TLL1: variants seen among roughly 807,000 people sequenced by gnomAD.
TLL1 encodes the protein tolloid like 1.
TLL1 carries 49 observed loss-of-function variants against 128.2 expected under a neutral mutation model. The ratio of observed to expected loss-of-function variants is 0.38; its 90% CI spans 0.30 to 0.48. The LOEUF is 0.48. Among genes scored for constraint, TLL1 ranks in the 20% least tolerant of loss-of-function variants. The pLI is 0.96. For missense variants in TLL1, 1,123 were observed against 1,242.0 expected (o/e 0.90, Z 1.44); for synonymous variants, 454 against 418.8 (o/e 1.08, Z -1.03).
At chr4:166,006,386 G>A (rs773300036) in intron 6 of TLL1, among the ~76,000 whole-genome samples, 19 of 151,716 alleles carry the variant, frequency 1.3e-4, no homozygotes, top group East Asian at 1.2e-3. Flanking sequence ...TCATATGCAC[G>A]TTAAGTTCTC....
At chr4:165,975,023 A>G (rs1026087990) in intron 1 of TLL1, among the ~76,000 whole-genome samples, 1 of 152,164 alleles carries the variant, frequency 6.6e-6, no homozygotes. Flanking sequence ...TGTGGGTCTT[A>G]GACAAATCTG....
At chr4:165,991,469 G>A (rs1736633170) in intron 2 of TLL1, among the ~76,000 whole-genome samples, 1 of 151,880 alleles carries the variant, frequency 6.6e-6, no homozygotes, top group South Asian at 2.1e-4. Context: ...ATGTATTTAA[G>A]TATTACCTCA....
intron 5 of TLL1, among the ~76,000 whole-genome samples, chr4:166,002,130 G>A (rs575063030): frequency 1.3e-5 from 2 of 152,216 alleles, no homozygotes; most frequent in Admixed American, 6.5e-5. Context: ...TGCAGAATTG[G>A]TGTCTGGTAA....
At chr4:166,066,940 A>G (rs892083572) in intron 16 of TLL1, among the ~76,000 whole-genome samples, 1 of 151,818 alleles carries the variant, frequency 6.6e-6, no homozygotes, top group Non-Finnish European at 1.5e-5. Flanking sequence ...TATAAATATT[A>G]TGTGTGTTAT....
At chr4:166,099,595 T>C in intron 20 of TLL1, 68 bp downstream of exon 20, 1 of 1,590,950 alleles carries the variant, frequency 6.3e-7, no homozygotes, top group Non-Finnish European at 8.6e-7. Flanking sequence ...GATTGATATG[T>C]GTACCATTCA....
intron 1 of TLL1, among the ~76,000 whole-genome samples, chr4:165,987,532 T>G (rs1191872644): frequency 6.6e-6 from 1 of 151,994 alleles, no homozygotes; most frequent in Admixed American, 6.6e-5. Flanking sequence ...GCTATGAGAG[T>G]AAACGAAAGT....
Position 165,978,707 on chromosome 4 carries a change from T to C in TLL1, c.170-10674T>C, listed in dbSNP as rs73863514. Reference sequence around the variant, plus strand: ...CCACCAAATATGTGCATACGTTCATTTGTTTCTTTGCATTAAGTTGTAAAT... The same window carrying C: ...CCACCAAATATGTGCATACGTTCATCTGTTTCTTTGCATTAAGTTGTAAAT... On this transcript the variant is annotated intron_variant, in intron 1 of 20. Transcript: ENST00000061240. 3.6e-3 allele frequency among the ~76,000 whole-genome samples: 549 copies of C among 152,332 alleles called. 5 individuals are homozygous for C. The highest frequency in any genetic ancestry group is 0.012 in the African/African-American group (517 of 41,584).
At chr4:165,950,190 TA>T (rs1327888266) in intron 1 of TLL1, among the ~76,000 whole-genome samples, 2 of 152,166 alleles carry the variant, frequency 1.3e-5, no homozygotes, top group Non-Finnish European at 2.9e-5. Flanking sequence ...GAATATTATG[TA>T]AAAAGTGTCA....
chr4:166,004,407 G>A (rs77821088), intron 6 of TLL1, among the ~76,000 whole-genome samples: 2,050 of 152,084 alleles, frequency 0.013, 44 homozygotes, highest in African/African-American at 0.047. Flanking sequence ...ATTTGATGCC[G>A]ATTATTTATT....
intron 15 of TLL1, among the ~76,000 whole-genome samples, chr4:166,061,967 A>G (rs1251974111): frequency 1.3e-5 from 2 of 152,146 alleles, no homozygotes; most frequent in Non-Finnish European, 2.9e-5. Flanking sequence ...CCATTTATTA[A>G]ATAGGGAATC....
intron 9 of TLL1, among the ~76,000 whole-genome samples, chr4:166,025,743 A>C (rs1394946241): frequency 6.6e-6 from 1 of 152,168 alleles, no homozygotes; most frequent in Non-Finnish European, 1.5e-5. Flanking sequence ...ATTTAAAAAT[A>C]TATATCTAGA....
rs148232336 is a variant in TLL1, at chr4:165,936,600, A to C, written c.170-52781A>C. Among the ~76,000 whole-genome samples the C allele has an allele frequency of 5.0e-3, 766 of 152,312 alleles. 8 individuals carry two copies. The highest frequency in any genetic ancestry group is 0.02 in the Middle Eastern group (6 of 294). On this transcript the variant is annotated intron_variant, in intron 1 of 20. Transcript: ENST00000061240. ...AACTACAGTATACATATGTAACTGTATACACAGTCTACTGGTATCGGCGTT... is the reference window on the plus strand; with the variant it reads ...AACTACAGTATACATATGTAACTGTCTACACAGTCTACTGGTATCGGCGTT...
intron 6 of TLL1, among the ~76,000 whole-genome samples, chr4:166,005,530 G>A (rs895745869): frequency 1.1e-4 from 16 of 151,854 alleles, no homozygotes; most frequent in African/African-American, 3.9e-4. Flanking sequence ...TTGAAGAATG[G>A]TGAAGTGATC....
At chr4:165,906,790 A>G (rs899879936) in intron 1 of TLL1, among the ~76,000 whole-genome samples, 8 of 148,030 alleles carry the variant, frequency 5.4e-5, no homozygotes, top group Admixed American at 2.0e-4. Flanking sequence ...TTTATAGGAT[A>G]GTAGACTACA....
intron 1 of TLL1, among the ~76,000 whole-genome samples, chr4:165,950,645 A>C (rs1263067508): frequency 6.6e-6 from 1 of 152,144 alleles, no homozygotes; most frequent in Non-Finnish European, 1.5e-5. Context: ...TAAATAACGT[A>C]TATAACATAT....
chr4:166,084,472 T>C (rs1386785245), intron 18 of TLL1, among the ~76,000 whole-genome samples: 6 of 152,160 alleles, frequency 3.9e-5, no homozygotes, highest in Non-Finnish European at 8.8e-5. Flanking sequence ...ACCAATGTCA[T>C]GGAACTTTTC....
At chr4:165,982,048 A>G (rs1344958552) in intron 1 of TLL1, among the ~76,000 whole-genome samples, 1 of 152,044 alleles carries the variant, frequency 6.6e-6, no homozygotes, top group Non-Finnish European at 1.5e-5. Context: ...TATCAGTGCT[A>G]ACAGACTCTG....
rs111387581 is a variant in TLL1, at chr4:165,985,780, C to T, written c.170-3601C>T. ...ATAAAAGCAGTCTTTCTGTTTTAGTCTCTGATTAAAAAAATGTTTGTTGTG... is the reference window on the plus strand; with the variant it reads ...ATAAAAGCAGTCTTTCTGTTTTAGTTTCTGATTAAAAAAATGTTTGTTGTG... On this transcript the variant is annotated intron_variant, in intron 1 of 20. Transcript: ENST00000061240. Among the ~76,000 whole-genome samples the T allele has an allele frequency of 4.3e-3, 656 of 152,010 alleles. 12 individuals are homozygous for T. Among genetic ancestry groups the T allele is most frequent in the African/African-American group, 0.015 (610 of 41,506 alleles).
intron 1 of TLL1, among the ~76,000 whole-genome samples, chr4:165,943,503 C>T (rs1734111275): frequency 6.6e-6 from 1 of 151,832 alleles, no homozygotes; most frequent in Non-Finnish European, 1.5e-5. Flanking sequence ...ATTAAATGCA[C>T]GTAAAAGAGA....
Sources: allele counts gnomAD v4.1 joint callset (sites outside exome capture counted in the v4.1 genomes callset), GRCh38; gene constraint gnomAD v4.1.1; transcripts MANE v1.5; gene names NCBI Gene and HGNC (gene_info 2026-07-23, HGNC 2026-07-21).